The following DNAH6 variants were observed in gnomAD, a reference collection of about 807,000 sequenced individuals.
The protein encoded by DNAH6 is dynein axonemal heavy chain 6, also known as axonemal beta dynein heavy chain 6.
Under a neutral mutation model 491.4 loss-of-function variants are expected in DNAH6, and 340 were observed. The ratio of observed to expected loss-of-function variants is 0.69; its 90% confidence interval spans 0.63 to 0.76. DNAH6 has a LOEUF of 0.76. Ranked by LOEUF, DNAH6 falls within the 30% of genes least tolerant of loss-of-function variation. The probability of loss-of-function intolerance (pLI) is 0.00; values close to 1 mark genes in which losing one functional copy is unlikely to be tolerated. For missense variants in DNAH6, 4,443 were observed against 4,972.2 expected (o/e 0.89, Z 3.20); for synonymous variants, 1,603 against 1,686.1 (o/e 0.95, Z 1.21).
intron 65 of DNAH6, among the ~76,000 whole-genome samples, chr2:84,784,471 G>A (rs1257924883): frequency 1.3e-5 from 2 of 152,036 alleles, no homozygotes; most frequent in Middle Eastern, 3.2e-3. Flanking sequence ...AAAAATTATC[G>A]TGTTCCTAAT....
the DNAH6 span, among the ~76,000 whole-genome samples, chr2:84,467,118 C>A: frequency 6.6e-6 from 1 of 152,142 alleles, no homozygotes; most frequent in East Asian, 1.9e-4. Context: ...ACTGAATACC[C>A]CTTTAACTTT....
chr2:84,666,906 G>A (rs1204827653), intron 37 of DNAH6, among the ~76,000 whole-genome samples: 1 of 152,104 alleles, frequency 6.6e-6, no homozygotes. Context: ...CAGAGATATA[G>A]ACCAACGGAA....
Position 84,588,875 on chromosome 2 carries a change from T to C in DNAH6, c.2531T>C (p.Ile844Thr), listed in dbSNP as rs1353922740. ...ISADQDKIRL[I>T]LNNLQSVLAD... The stretch of plus-strand genomic sequence containing the variant: ...GCTGACCAAGACAAAATAAGGCTCA[T>C]ATTGAATAATCTGCAATCTGTTCTG... The change falls in exon 16 of 77, where the codon ATA (isoleucine) becomes ACA (threonine). Residue 844 changes from isoleucine to threonine, a missense_variant. Coordinates refer to ENST00000389394, the MANE Select transcript of DNAH6 (RefSeq NM_001370.2). 5.8e-6 allele frequency: 9 copies of C among 1,550,786 alleles called. No homozygotes were observed. Among genetic ancestry groups the C allele is most frequent in the Non-Finnish European group, 7.0e-6 (8 of 1,146,342 alleles).
chr2:84,492,243 G>C, the DNAH6 span, among the ~76,000 whole-genome samples: 44 of 152,262 alleles, frequency 2.9e-4, no homozygotes, highest in African/African-American at 1.1e-3. Context: ...TTTTTAGTAG[G>C]CTACCCACCT....
chr2:84,635,328 C>A (rs1210998447), intron 30 of DNAH6, among the ~76,000 whole-genome samples: 1 of 152,118 alleles, frequency 6.6e-6, no homozygotes, highest in Non-Finnish European at 1.5e-5. Context: ...TCATCTTACA[C>A]CAAATCTACG....
At chr2:84,524,631 G>A (rs560022742) in intron 2 of DNAH6, among the ~76,000 whole-genome samples, 5 of 152,148 alleles carry the variant, frequency 3.3e-5, no homozygotes, top group African/African-American at 1.2e-4. Context: ...GGCAGATCTG[G>A]TGGTAATGAA....
At chr2:84,681,307 A>G (rs1204739365) in intron 41 of DNAH6, 50 bp from the exon 42 acceptor site, 2 of 1,399,724 alleles carry the variant, frequency 1.4e-6, no homozygotes, top group African/African-American at 1.5e-5. Flanking sequence ...AAAGATAGAT[A>G]TTTGGTTTAA....
chr2:84,723,514 C>T (rs1698362506), intron 60 of DNAH6, among the ~76,000 whole-genome samples: 1 of 152,144 alleles, frequency 6.6e-6, no homozygotes, highest in Admixed American at 6.5e-5. Flanking sequence ...AGTCCCATTT[C>T]TTTAGACATC....
At chr2:84,620,525 G>A (rs904978979) in intron 24 of DNAH6, among the ~76,000 whole-genome samples, 2 of 152,136 alleles carry the variant, frequency 1.3e-5, no homozygotes, top group Admixed American at 6.6e-5. Flanking sequence ...ATGATGGAAG[G>A]GAGAGTATCT....
intron 76 of DNAH6, among the ~76,000 whole-genome samples, chr2:84,817,623 A>G (rs947627394): frequency 1.3e-5 from 2 of 151,852 alleles, no homozygotes; most frequent in Non-Finnish European, 2.9e-5. Flanking sequence ...AAAAAATCCA[A>G]CTGTCTTTGT....
chr2:84,511,417 T>A, the DNAH6 span, among the ~76,000 whole-genome samples: 1 of 136,574 alleles, frequency 7.3e-6, no homozygotes, highest in Non-Finnish European at 1.5e-5. Context: ...CTAAGACTGT[T>A]GGAAAAGCAC....
At chr2:84,778,345 G>A (rs1216533184) in intron 64 of DNAH6, 12 of 383,680 alleles carry the variant, frequency 3.1e-5, no homozygotes, top group Non-Finnish European at 5.8e-5. Context: ...TTCTTTGTAT[G>A]GATTTTGGGG....
chr2:84,756,100 G>A (rs139575721), intron 63 of DNAH6, among the ~76,000 whole-genome samples: 69 of 152,258 alleles, frequency 4.5e-4, no homozygotes, highest in African/African-American at 1.3e-3. Context: ...CCAGTCTTGG[G>A]TATGTCTTTA....
chr2:84,744,159 CTGATTGCTA>C (rs1672756515), intron 62 of DNAH6, among the ~76,000 whole-genome samples: 1 of 152,182 alleles, frequency 6.6e-6, no homozygotes, highest in Admixed American at 6.5e-5. Context: ...CACTAGCTTT[CTGATTGCTA>C]TGATTAAGCC....
the DNAH6 span, among the ~76,000 whole-genome samples, chr2:84,507,346 C>G: frequency 1.5e-4 from 23 of 152,172 alleles, no homozygotes; most frequent in Non-Finnish European, 2.8e-4. Flanking sequence ...TGGGAGTTCA[C>G]TCAAGATTTG....
upstream of DNAH6, among the ~76,000 whole-genome samples, chr2:84,515,674 G>A (rs1384748305): frequency 6.6e-6 from 1 of 152,226 alleles, no homozygotes; most frequent in African/African-American, 2.4e-5. Flanking sequence ...GCTCCTCCAT[G>A]TGGTGTAAGG....
intron 71 of DNAH6, 59 bp from the exon 72 acceptor site, chr2:84,808,356 C>A: frequency 6.9e-7 from 1 of 1,450,912 alleles, no homozygotes; most frequent in Non-Finnish European, 9.1e-7. Context: ...ATTGCCTTAG[C>A]AATATTGTGA....
Position 84,745,248 on chromosome 2 carries a change from A to G in DNAH6, c.10511A>G (p.Lys3504Arg). 6.7e-7 allele frequency: 1 copy of G among 1,482,586 alleles called. No individual in the cohort carries two copies. The highest frequency in any genetic ancestry group is 9.0e-7 in the Non-Finnish European group (1 of 1,116,446). The allele number at this position is 1,482,586 out of a possible 1,614,324, so 91.8% of individuals were successfully genotyped here. A position where few individuals can be genotyped will look rare whatever the true frequency, so the allele number is the denominator to read the frequency against. ...CTTATTAAATGTTGTAAAGAAGAAAAGGTAGGGCATTTTTTTAATTAAAGG... is the reference window on the plus strand; with the variant it reads ...CTTATTAAATGTTGTAAAGAAGAAAGGGTAGGGCATTTTTTTAATTAAAGG... ...LILIKCCKEE[K>R]VVFALTDFVI... Residue 3504 changes from lysine to arginine, a missense_variant and splice_region_variant, in exon 63 of 77, where the codon AAG becomes AGG. Physicochemically the swap from Lys to Arg is conservative, Grantham distance 26. Transcript: ENST00000389394.
rs961517774 is a variant in DNAH6, at chr2:84,621,251, G to A, written c.3853G>A (p.Glu1285Lys). 6.4e-7 allele frequency: 1 copy of A among 1,551,476 alleles called. No homozygotes were observed. The highest frequency in any genetic ancestry group is 1.4e-5 in the African/African-American group (1 of 73,042). ...TGTAGAGGAATGGCTTGGTAAAGTG[G>A]AAGAAGCCATGTTCACATCTCTGCG... is the stretch of plus-strand genomic sequence containing the variant. ...GNVEEWLGKV[E>K]EAMFTSLRRL... Residue 1285 changes from glutamate (E) to lysine (K), a missense_variant, in exon 25 of 77, where the codon GAA becomes AAA. Coordinates refer to ENST00000389394, the MANE Select transcript of DNAH6 (RefSeq NM_001370.2).
Sources: allele counts gnomAD v4.1 joint callset (sites outside exome capture counted in the v4.1 genomes callset), GRCh38; gene constraint gnomAD v4.1.1; transcripts MANE v1.5; gene names NCBI Gene and HGNC (gene_info 2026-07-23, HGNC 2026-07-21).